The following ALS2 variants were observed in gnomAD, a reference collection of about 807,000 sequenced individuals.
The protein encoded by ALS2 is alsin.
In ALS2, 117 loss-of-function variants were observed where a neutral mutation model predicts 203.4. That is an observed-to-expected ratio of 0.58 (90% CI 0.50 to 0.67). The LOEUF (loss-of-function observed/expected upper bound fraction) is 0.67. Ranked by LOEUF, ALS2 falls within the 30% of genes least tolerant of loss-of-function variation. ALS2 has a pLI of 0.00. For missense variants in ALS2, 1,715 were observed against 1,989.4 expected, an observed-to-expected ratio of 0.86 and a Z score of 2.62; for synonymous variants, 718 against 725.9, an observed-to-expected ratio of 0.99 and a Z score of 0.17.
chr2:201,720,540 A>C (rs1690711944), intron 23 of ALS2, among the ~76,000 whole-genome samples: 1 of 1,098 alleles, frequency 9.1e-4, no homozygotes, highest in Non-Finnish European at 4.8e-3. Context: ...CTGTCTCTAC[A>C]AAAAAAAAAA....
chr2:201,713,253 C>A (rs1690161158), intron 25 of ALS2, among the ~76,000 whole-genome samples: 1 of 150,384 alleles, frequency 6.6e-6, no homozygotes, highest in African/African-American at 2.4e-5. Context: ...TCTCCTGCCT[C>A]AGCCTCCTAA....
intron 33 of ALS2, among the ~76,000 whole-genome samples, chr2:201,703,843 T>A (rs1484244957): frequency 6.6e-6 from 1 of 152,202 alleles, no homozygotes; most frequent in Non-Finnish European, 1.5e-5. Flanking sequence ...TTTTTAGAAT[T>A]ACAATTATTT....
At position 201,761,758 on chromosome 2, in the gene ALS2, G is replaced by A. The variant is rs1346805773; in HGVS notation, c.236C>T (p.Pro79Leu). ...PWRSGPVEIC[P>L]SSPILENALV... ...GGCATTTTCTAGAATGGGGCTACTTGGACAAATCTCCACTGGTCCACTTCT... is the reference window on the plus strand; with the variant it reads ...GGCATTTTCTAGAATGGGGCTACTTAGACAAATCTCCACTGGTCCACTTCT... Residue 79 changes from proline (P) to leucine (L), a missense_variant, in exon 4 of 34, where the codon CCA becomes CTA. By Grantham distance (98) the Pro-to-Leu change is moderately conservative. Transcript: ENST00000264276. 3 of 1,613,768 alleles carry A rather than the reference G, an allele frequency of 1.9e-6. No individual in the cohort carries two copies. Among genetic ancestry groups the A allele is most frequent in the Non-Finnish European group, 2.5e-6 (3 of 1,179,992 alleles).
intron 27 of ALS2, among the ~76,000 whole-genome samples, chr2:201,709,058 A>G (rs1689884656): frequency 6.6e-6 from 1 of 152,230 alleles, no homozygotes; most frequent in African/African-American, 2.4e-5. Context: ...AAACTTTTGT[A>G]TAATTATCTC....
intron 24 of ALS2, 109 bp downstream of exon 24, chr2:201,717,968 G>A: frequency 3.6e-6 from 4 of 1,106,548 alleles, no homozygotes; most frequent in Non-Finnish European, 5.1e-6. Flanking sequence ...AAATAAAAAA[G>A]AAGACTTTAA....
intron 1 of ALS2, among the ~76,000 whole-genome samples, chr2:201,772,137 G>A (rs1694419841): frequency 6.6e-6 from 1 of 152,214 alleles, no homozygotes; most frequent in African/African-American, 2.4e-5. Context: ...TTTAAACAAA[G>A]AGCAAACCTT....
intron 15 of ALS2, 60 bp from the exon 16 acceptor site, chr2:201,727,835 C>T: frequency 6.9e-7 from 1 of 1,440,932 alleles, no homozygotes; most frequent in African/African-American, 1.4e-5. Context: ...GGGGACTCTG[C>T]CCATATCCCC....
intron 1 of ALS2, among the ~76,000 whole-genome samples, chr2:201,771,710 G>A (rs1185908299): frequency 6.6e-6 from 1 of 152,150 alleles, no homozygotes; most frequent in Non-Finnish European, 1.5e-5. Flanking sequence ...TCAAATTTCT[G>A]TATGTTATTT....
intron 15 of ALS2, 47 bp from the exon 16 acceptor site, chr2:201,727,822 C>T: frequency 6.6e-7 from 1 of 1,505,038 alleles, no homozygotes; most frequent in Non-Finnish European, 9.1e-7. Context: ...CCATGTAGAC[C>T]TCGGGGACTC....
intron 3 of ALS2, chr2:201,765,587 T>C (rs551689610): frequency 1.2e-5 from 2 of 167,072 alleles, no homozygotes; most frequent in African/African-American, 4.8e-5. Flanking sequence ...TTCCTAGAAT[T>C]TGTCTTCCTT....
intron 3 of ALS2, 52 bp from the exon 4 acceptor site, chr2:201,761,870 T>C (rs1203725831): frequency 6.3e-7 from 1 of 1,583,048 alleles, no homozygotes; most frequent in East Asian, 2.3e-5. Context: ...GTGAATTAAC[T>C]AAAAATTTTA....
At position 201,704,833 on chromosome 2, in the gene ALS2, A is replaced by C. The variant is rs953767231; in HGVS notation, c.4689-230T>G. 1.9e-4 allele frequency among the ~76,000 whole-genome samples: 29 copies of C among 152,118 alleles called. 1 individual carries two copies. The highest frequency in any genetic ancestry group is 2.9e-4 in the Non-Finnish European group (20 of 68,038). On this transcript the variant is annotated intron_variant, in intron 31 of 33. Transcript: ENST00000264276. ...TTTCCTTTTACCCACGTGAAATCTC[A>C]TTCTCCTAATATATGCTCTTTTCTG...
At chr2:201,745,311 G>C (rs1027689927) in intron 9 of ALS2, among the ~76,000 whole-genome samples, 1 of 152,084 alleles carries the variant, frequency 6.6e-6, no homozygotes, top group East Asian at 1.9e-4. Flanking sequence ...GCCTCCCAAA[G>C]TTCTGGGATT....
At chr2:201,741,253 A>G (rs1692249270) in intron 11 of ALS2, 1 of 154,282 alleles carries the variant, frequency 6.5e-6, no homozygotes, top group Non-Finnish European at 1.4e-5. Flanking sequence ...TAAAACTTCC[A>G]TTTATATAAA....
chr2:201,712,002 T>C (rs1244310784), intron 25 of ALS2, among the ~76,000 whole-genome samples: 1 of 152,174 alleles, frequency 6.6e-6, no homozygotes, highest in Non-Finnish European at 1.5e-5. Flanking sequence ...TTCCATTTCT[T>C]CTACTGATAG....
At chr2:201,728,670 C>A (rs1249842009) in intron 14 of ALS2, 30 bp from the exon 15 acceptor site, 2 of 1,604,734 alleles carry the variant, frequency 1.2e-6, no homozygotes, top group Non-Finnish European at 1.7e-6. Context: ...TAATACAAGT[C>A]AAACAATCAA....
chr2:201,750,232 ATAAC>A (rs1268875085), intron 7 of ALS2, among the ~76,000 whole-genome samples: 1 of 152,152 alleles, frequency 6.6e-6, no homozygotes, highest in African/African-American at 2.4e-5. Context: ...AACAATAACA[ATAAC>A]TAACACTTTT....
chr2:201,709,232 G>C (rs1689891604), intron 27 of ALS2, among the ~76,000 whole-genome samples: 1 of 152,066 alleles, frequency 6.6e-6, no homozygotes, highest in South Asian at 2.1e-4. Context: ...TAGTCAGTCT[G>C]CTCTGACCTT....
rs761285003 is a variant in ALS2, at chr2:201,753,265, C to G, written c.1641-23G>C. On this transcript the variant is annotated intron_variant, in intron 6 of 33. Transcript: ENST00000264276. ...AGCCTTAAAAAGAAACACACAGGCA[C>G]ACAAAGTCAAAGTATTCTCAGCAAG... 6.3e-6 allele frequency: 10 copies of G among 1,588,626 alleles called. No homozygotes were observed. The Admixed American group carries it at 1.7e-4, about 26-fold the overall frequency.
Sources: gnomAD v4.1 joint callset for allele counts (sites outside exome capture counted in the v4.1 genomes callset) on GRCh38, gnomAD v4.1.1 for gene constraint, MANE v1.5 for transcripts, NCBI Gene and HGNC (gene_info 2026-07-23, HGNC 2026-07-21) for gene names.